Variants in CAMTA1 observed in about 807,000 individuals in gnomAD.
The protein encoded by CAMTA1 is calmodulin binding transcription activator 1.
In CAMTA1, 27 loss-of-function variants were observed where a neutral mutation model predicts 170.9. The observed-to-expected ratio is 0.16, with a 90% CI of 0.12 to 0.22. The LOEUF (loss-of-function observed/expected upper bound fraction) is 0.22, where lower values mean the gene tolerates loss of function less well. CAMTA1 is among the 10% of genes least tolerant of loss of function. CAMTA1 has a pLI of 1.00. For synonymous variants in CAMTA1, 833 were observed against 891.5 expected (o/e 0.93, Z 1.17); for missense variants, 1,619 against 2,217.2 (o/e 0.73, Z 5.42).
At chr1:7,468,988 T>C (rs1364353420) in intron 6 of CAMTA1, among the ~76,000 whole-genome samples, 2 of 152,170 alleles carry the variant, frequency 1.3e-5, no homozygotes, top group African/African-American at 2.4e-5. Flanking sequence ...GCCATGTCGA[T>C]GTGGAGGCCG....
At chr1:6,916,173 G>A (rs1299518292) in intron 3 of CAMTA1, among the ~76,000 whole-genome samples, 1 of 152,174 alleles carries the variant, frequency 6.6e-6, no homozygotes. Flanking sequence ...GCTATCGGGT[G>A]GGAATCCTCA....
chr1:7,695,984 T>C (rs1326169346), intron 11 of CAMTA1, among the ~76,000 whole-genome samples: 1 of 152,134 alleles, frequency 6.6e-6, no homozygotes, highest in East Asian at 1.9e-4. Context: ...TTGGTACTTA[T>C]TATTCTTAGG....
At chr1:7,150,204 C>T (rs1646494326) in intron 4 of CAMTA1, among the ~76,000 whole-genome samples, 1 of 152,242 alleles carries the variant, frequency 6.6e-6, no homozygotes, top group Non-Finnish European at 1.5e-5. Context: ...GCCTCCCCAG[C>T]TGCAATCTCA....
At chr1:7,276,306 T>TATATATATATAA in intron 5 of CAMTA1, among the ~76,000 whole-genome samples, 1 of 42,988 alleles carries the variant, frequency 2.3e-5, no homozygotes, top group African/African-American at 8.1e-5. Flanking sequence ...TATATATATT[T>TATATATATATAA]TTTTTTTTTT....
At chr1:7,586,752 G>A (rs1178729028) in intron 6 of CAMTA1, among the ~76,000 whole-genome samples, 1 of 152,112 alleles carries the variant, frequency 6.6e-6, no homozygotes, top group Non-Finnish European at 1.5e-5. Flanking sequence ...ACTGTCGACA[G>A]CCCTGAGATG....
At chr1:7,715,321 T>C (rs1162200500) in intron 11 of CAMTA1, among the ~76,000 whole-genome samples, 1 of 152,204 alleles carries the variant, frequency 6.6e-6, no homozygotes, top group East Asian at 1.9e-4. Flanking sequence ...ATTAACGTTT[T>C]GTTCCATTAT....
chr1:7,094,572 C>G (rs1323259933), intron 4 of CAMTA1, among the ~76,000 whole-genome samples: 1 of 152,018 alleles, frequency 6.6e-6, no homozygotes, highest in Non-Finnish European at 1.5e-5. Flanking sequence ...GCAGAGGGGC[C>G]CCCTGCTTGT....
chr1:6,886,099 CT>C (rs1673135377), intron 3 of CAMTA1: 1 of 392,990 alleles, frequency 2.5e-6, no homozygotes, highest in Non-Finnish European at 5.0e-6. Flanking sequence ...TTTTGTTTTC[CT>C]TGAGCCCACC....
At chr1:6,865,473 G>A (rs191973083) in intron 3 of CAMTA1, among the ~76,000 whole-genome samples, 54 of 152,280 alleles carry the variant, frequency 3.5e-4, no homozygotes, top group African/African-American at 1.2e-3. Flanking sequence ...AGATTTGGGC[G>A]GATTTAGTTT....
chr1:7,344,352 GA>G (rs1434846566), intron 5 of CAMTA1, among the ~76,000 whole-genome samples: 2 of 152,210 alleles, frequency 1.3e-5, no homozygotes, highest in African/African-American at 2.4e-5. Flanking sequence ...CAGAAGCTCA[GA>G]ATGTCAGTCC....
At chr1:7,556,514 A>C (rs1220117478) in intron 6 of CAMTA1, among the ~76,000 whole-genome samples, 3 of 152,126 alleles carry the variant, frequency 2.0e-5, no homozygotes, top group African/African-American at 7.2e-5. Flanking sequence ...AGCAATAATG[A>C]TCCTCATGTG....
In CAMTA1 at chr1:7,010,125, C is replaced by T. The variant is rs549376715; in HGVS notation, c.235-81179C>T. Among the ~76,000 whole-genome samples, 5 of 152,352 alleles carry T rather than the reference C, an allele frequency of 3.3e-5. No individual in the cohort carries two copies. Among genetic ancestry groups the T allele is most frequent in the South Asian group, 2.1e-4 (1 of 4,828 alleles). ...GATTTGGATTTGTCCCCAGGACAGACGTCCTTGGGTCTTACCAGGAACCAT... is the reference window on the plus strand; with the variant it reads ...GATTTGGATTTGTCCCCAGGACAGATGTCCTTGGGTCTTACCAGGAACCAT... On this transcript the variant is annotated intron_variant, in intron 3 of 22. Transcript: ENST00000303635. This position sits in a 1 kb window ranked among gnomAD's most constrained non-coding sequence, Gnocchi z 4.4.
chr1:6,894,497 G>C (rs1207910240), intron 3 of CAMTA1, among the ~76,000 whole-genome samples: 1 of 152,190 alleles, frequency 6.6e-6, no homozygotes, highest in Non-Finnish European at 1.5e-5. Flanking sequence ...AGAATTTAAA[G>C]AAATCCATCC....
intron 5 of CAMTA1, among the ~76,000 whole-genome samples, chr1:7,461,161 A>G (rs1352756546): frequency 6.6e-6 from 1 of 152,212 alleles, no homozygotes; most frequent in Non-Finnish European, 1.5e-5. Flanking sequence ...GAGCTTTGCC[A>G]TCACAGGCAC....
At chr1:7,003,663 T>C (rs988934802) in intron 3 of CAMTA1, among the ~76,000 whole-genome samples, 3 of 152,234 alleles carry the variant, frequency 2.0e-5, no homozygotes, top group African/African-American at 4.8e-5. Context: ...GAATCACTCA[T>C]GCAGGTAGGT....
At chr1:6,786,019 C>A (rs150101388) in intron 1 of CAMTA1, among the ~76,000 whole-genome samples, 18 of 151,564 alleles carry the variant, frequency 1.2e-4, no homozygotes, top group Non-Finnish European at 2.1e-4. Flanking sequence ...TCCTCCTGGC[C>A]CCGCGCCCCA....
chr1:7,619,210 A>G (rs1428870392), intron 6 of CAMTA1, among the ~76,000 whole-genome samples: 1 of 152,214 alleles, frequency 6.6e-6, no homozygotes, highest in Non-Finnish European at 1.5e-5. Context: ...ATGGCAAGCT[A>G]TTCCTGCCCC....
At chr1:7,531,614 C>T (rs1314708337) in intron 6 of CAMTA1, among the ~76,000 whole-genome samples, 1 of 152,214 alleles carries the variant, frequency 6.6e-6, no homozygotes, top group Non-Finnish European at 1.5e-5. Context: ...GAAGTGTGCC[C>T]GGATCCCCTA....
At chr1:7,586,602 C>G (rs1459088150) in intron 6 of CAMTA1, among the ~76,000 whole-genome samples, 1 of 152,174 alleles carries the variant, frequency 6.6e-6, no homozygotes, top group Non-Finnish European at 1.5e-5. Flanking sequence ...CCTGCCCCAG[C>G]ACTCCTCTGC....
Sources: gnomAD v4.1 joint callset for allele counts (sites outside exome capture counted in the v4.1 genomes callset) on GRCh38, gnomAD v4.1.1 for gene constraint, Gnocchi (gnomAD v3.1) non-coding constraint, MANE v1.5 for transcripts, NCBI Gene and HGNC (gene_info 2026-07-23, HGNC 2026-07-21) for gene names.